Variants in NAA25 observed in about 807,000 individuals in gnomAD.
NAA25 encodes the protein N-terminal acetyltransferase B complex subunit NAA25.
A neutral mutation model predicts 132.5 loss-of-function variants in NAA25; 30 were observed. That is an observed-to-expected ratio of 0.23 (90% CI 0.17 to 0.31). The LOEUF (loss-of-function observed/expected upper bound fraction) is 0.31. NAA25 is among the 10% of genes least tolerant of loss of function. The probability of loss-of-function intolerance (pLI) is 1.00; values close to 1 mark genes in which losing one functional copy is unlikely to be tolerated. For synonymous variants in NAA25, 359 were observed against 401.9 expected (o/e 0.89, Z 1.28); for missense variants, 771 against 1,150.4 (o/e 0.67, Z 4.77).
intron 22 of NAA25, chr12:112,035,462 C>T (rs2078211757): frequency 1.3e-5 from 2 of 152,144 alleles, no homozygotes; most frequent in East Asian, 1.9e-4. Context: ...TGCCCAGCCT[C>T]GAACTTTGTA....
At chr12:112,093,535 T>C (rs548519753) in intron 1 of NAA25, among the ~76,000 whole-genome samples, 1 of 151,994 alleles carries the variant, frequency 6.6e-6, no homozygotes, top group Non-Finnish European at 1.5e-5. Context: ...AGTGACACCC[T>C]GCCTCAGAAA....
intron 4 of NAA25, among the ~76,000 whole-genome samples, chr12:112,082,170 C>T (rs2078982189): frequency 6.6e-6 from 1 of 152,152 alleles, no homozygotes; most frequent in Middle Eastern, 3.2e-3. Context: ...ATCGCTTGAA[C>T]CCGGGAGGCA....
intron 5 of NAA25, among the ~76,000 whole-genome samples, chr12:112,080,278 C>CA (rs762037242): frequency 0.044 from 2,129 of 48,786 alleles, 53 homozygotes; most frequent in African/African-American, 0.069. Context: ...GACTCTGTCT[C>CA]AAAAAAAAAA....
In NAA25 at chr12:112,104,673, A is replaced by C. The variant is rs565273402; in HGVS notation, c.58+4043T>G. ...AATGTGGTGAAATCCTGTCTCTACTAAAAATACAAAAAATTAACCTGGCGT... is the reference window on the plus strand; with the variant it reads ...AATGTGGTGAAATCCTGTCTCTACTCAAAATACAAAAAATTAACCTGGCGT... On this transcript the variant is annotated intron_variant, in intron 1 of 23. Transcript: ENST00000261745. Among the ~76,000 whole-genome samples the C allele has an allele frequency of 1.8e-3, 274 of 152,080 alleles. 1 individual carries two copies. The highest frequency in any genetic ancestry group is 1.6e-3 in the Non-Finnish European group (111 of 67,994).
chr12:112,090,982 T>A, intron 2 of NAA25, 118 bp from the exon 3 acceptor site: 1 of 998,108 alleles, frequency 1.0e-6, no homozygotes, highest in Non-Finnish European at 1.5e-6. Flanking sequence ...ATATACTAGT[T>A]TCAGGCTGGG....
intron 4 of NAA25, among the ~76,000 whole-genome samples, chr12:112,082,299 T>C (rs988322428): frequency 6.6e-6 from 1 of 152,016 alleles, no homozygotes. Flanking sequence ...CCAGCCATGA[T>C]GATTCATGAC....
chr12:112,081,231 A>ATAACCCT, intron 4 of NAA25, 97 bp from the exon 5 acceptor site: 1 of 899,598 alleles, frequency 1.1e-6, no homozygotes, highest in Non-Finnish European at 1.8e-6. Flanking sequence ...GAGAACAGCA[A>ATAACCCT]TATATTTACA....
In NAA25 at chr12:112,029,662, G is replaced by A; in HGVS notation, c.2797-9C>T. 2 of 1,610,356 alleles carry A rather than the reference G, an allele frequency of 1.2e-6. No individual in the cohort carries two copies. The highest frequency in any genetic ancestry group is 1.7e-6 in the Non-Finnish European group (2 of 1,179,184). ...GAAAATTTTCTCTCTTCCTATAAAGGAGGAGACAAGAATAATTAGTCTTGT... is the reference window on the plus strand; with the variant it reads ...GAAAATTTTCTCTCTTCCTATAAAGAAGGAGACAAGAATAATTAGTCTTGT... On this transcript the variant is annotated splice_polypyrimidine_tract_variant and intron_variant, in intron 23 of 23. Coordinates refer to ENST00000261745, the MANE Select transcript of NAA25 (RefSeq NM_024953.4).
rs1200279606 is a variant in NAA25, at chr12:112,083,505, CGACAAG to C, written c.403-2377_403-2372del. On this transcript the variant is annotated intron_variant, in intron 4 of 23. Coordinates refer to ENST00000261745, the MANE Select transcript of NAA25 (RefSeq NM_024953.4). ...GTGCTGAATTGCACTCCAGCCTGGG[CGACAAG>C]AGTGAAACCCCATCTCAAAGAAAAA... Among the ~76,000 whole-genome samples, 36 of 150,524 alleles carry C rather than the reference CGACAAG, an allele frequency of 2.4e-4. 1 individual carries two copies. The East Asian group carries it at 2.9e-3, about 12-fold the overall frequency.
intron 23 of NAA25, 65 bp downstream of exon 23, chr12:112,033,168 G>A (rs2078172280): frequency 1.4e-6 from 2 of 1,400,706 alleles, no homozygotes; most frequent in South Asian, 3.2e-5. Flanking sequence ...TGATAAAGAT[G>A]AGAGAGAGAG....
intron 15 of NAA25, 51 bp downstream of exon 15, chr12:112,053,507 A>C: frequency 7.7e-7 from 1 of 1,292,256 alleles, no homozygotes; most frequent in Non-Finnish European, 1.1e-6. Flanking sequence ...GCTCCTCAAT[A>C]GTGTGCAGTC....
chr12:112,053,495 G>A (rs11066139), intron 15 of NAA25, 63 bp downstream of exon 15: 9 of 1,181,476 alleles, frequency 7.6e-6, no homozygotes, highest in South Asian at 5.2e-5. Flanking sequence ...ATGTGGTGAC[G>A]TGCTCCTCAA....
intron 11 of NAA25, among the ~76,000 whole-genome samples, chr12:112,064,889 C>T (rs2078692399): frequency 1.3e-5 from 2 of 151,668 alleles, no homozygotes; most frequent in South Asian, 4.1e-4. Flanking sequence ...ACAGAATTAG[C>T]TGGGCATGGT....
At chr12:112,069,075 C>A in intron 10 of NAA25, 83 bp from the exon 11 acceptor site, 2 of 830,618 alleles carry the variant, frequency 2.4e-6, no homozygotes, top group East Asian at 5.2e-5. Flanking sequence ...TGAAAACATT[C>A]ATTTCAATTA....
At chr12:112,090,921 C>T in intron 2 of NAA25, 57 bp from the exon 3 acceptor site, 1 of 1,486,862 alleles carries the variant, frequency 6.7e-7, no homozygotes, top group South Asian at 1.2e-5. Flanking sequence ...AAATATGAAC[C>T]AAAGAAAGCC....
chr12:112,099,997 A>T (rs1388533607), intron 1 of NAA25, among the ~76,000 whole-genome samples: 2 of 152,198 alleles, frequency 1.3e-5, no homozygotes, highest in East Asian at 1.9e-4. Context: ...AAAAATTCTA[A>T]AAGTTGGAGA....
chr12:112,030,984 AC>A (rs1372999921), intron 23 of NAA25, among the ~76,000 whole-genome samples: 1 of 151,764 alleles, frequency 6.6e-6, no homozygotes, highest in African/African-American at 2.4e-5. Context: ...TCACTAAGTG[AC>A]CCAGGCTGGT....
At chr12:112,033,554 C>A in intron 22 of NAA25, 175 bp from the exon 23 acceptor site, 1 of 433,636 alleles carries the variant, frequency 2.3e-6, no homozygotes, top group Non-Finnish European at 3.9e-6. Flanking sequence ...TACAAAATAA[C>A]ACAGTAATAT....
rs1348981682 is a variant in NAA25 at position 112,027,132 on chromosome 12, AGTC to A, written c.*2396_*2398del. 2 of 152,574 alleles carry A rather than the reference AGTC, an allele frequency of 1.3e-5. No homozygotes were observed. Among genetic ancestry groups the A allele is most frequent in the South Asian group, 2.1e-4 (1 of 4,836 alleles). 9.5% of individuals were successfully genotyped at this position (152,574 alleles called of 1,614,324 possible). ...AATAATTTTTCAGTCTGTAAACAGT[AGTC>A]GTGATTTTTCTCCTTTCCTTTTTTA... On this transcript the variant is annotated 3_prime_UTR_variant, in exon 24 of 24. Coordinates refer to ENST00000261745, the MANE Select transcript of NAA25 (RefSeq NM_024953.4).
Sources: allele counts gnomAD v4.1 joint callset (sites outside exome capture counted in the v4.1 genomes callset), GRCh38; gene constraint gnomAD v4.1.1; transcripts MANE v1.5; gene names NCBI Gene and HGNC (gene_info 2026-07-23, HGNC 2026-07-21).